TRPC7: variants seen among roughly 807,000 people sequenced by gnomAD.
TRPC7 encodes the protein transient receptor potential cation channel subfamily C member 7.
TRPC7 carries 42 observed loss-of-function variants against 90.1 expected under a neutral mutation model. The observed-to-expected ratio is 0.47, with a 90% CI of 0.36 to 0.60. The LOEUF is 0.60. TRPC7 is among the 20% of genes least tolerant of loss of function. The pLI, the probability that TRPC7 is intolerant of heterozygous loss-of-function variation, is 0.00. For missense variants in TRPC7, 955 were observed against 1,112.3 expected (o/e 0.86, Z 2.01); for synonymous variants, 451 against 436.3 (o/e 1.03, Z -0.42).
rs541296199 is a variant in TRPC7, at chr5:136,303,191, A to G, written c.963+12406T>C. 1.5e-3 allele frequency among the ~76,000 whole-genome samples: 236 copies of G among 152,282 alleles called. 1 individual carries two copies. The highest frequency in any genetic ancestry group is 5.1e-3 in the African/African-American group (211 of 41,554). Reference sequence around the variant, plus strand: ...CTTTATCCCAAATCAGATAGCTTCTAGGCTCTTTTTCATCAAATATAAAAA... The same window carrying G: ...CTTTATCCCAAATCAGATAGCTTCTGGGCTCTTTTTCATCAAATATAAAAA... On this transcript the variant is annotated intron_variant, in intron 3 of 11. Transcript: ENST00000513104.
chr5:136,259,884 A>T (rs1364136511), intron 5 of TRPC7, among the ~76,000 whole-genome samples: 1 of 152,074 alleles, frequency 6.6e-6, no homozygotes, highest in African/African-American at 2.4e-5. Flanking sequence ...GTTCTCCTGG[A>T]GTTTCTTTGC....
chr5:136,346,788 C>T (rs957956562), intron 2 of TRPC7, among the ~76,000 whole-genome samples: 4 of 152,188 alleles, frequency 2.6e-5, no homozygotes, highest in African/African-American at 9.7e-5. Flanking sequence ...TCAGCCTTCA[C>T]CAGGTTATCT....
In TRPC7 at chr5:136,212,805, C is replaced by G. The variant is rs534381303; in HGVS notation, c.*630G>C. On this transcript the variant is annotated 3_prime_UTR_variant, in exon 12 of 12. Transcript: ENST00000513104. ...GTAAAAATAGTAAATACAAGATAAT[C>G]TTAATAAAGGTAAAAATACATCATT... is the stretch of plus-strand genomic sequence containing the variant. Among the ~76,000 whole-genome samples, 7 of 152,320 alleles carry G rather than the reference C, an allele frequency of 4.6e-5. No individual in the cohort carries two copies. In the South Asian group the frequency reaches 6.2e-4, roughly 14 times the overall value.
chr5:136,318,088 A>C (rs897451450), intron 2 of TRPC7, among the ~76,000 whole-genome samples: 4 of 152,178 alleles, frequency 2.6e-5, no homozygotes, highest in African/African-American at 7.2e-5. Flanking sequence ...GATAGAGAGA[A>C]CCCAGGCCTG....
At chr5:136,300,893 C>T (rs375423520) in intron 3 of TRPC7, among the ~76,000 whole-genome samples, 4 of 152,310 alleles carry the variant, frequency 2.6e-5, no homozygotes, top group Admixed American at 2.0e-4. Flanking sequence ...CTTCAGAGAT[C>T]TAGATGAACC....
At chr5:136,251,922 T>C in intron 5 of TRPC7, 40 bp from the exon 6 acceptor site, 2 of 1,566,772 alleles carry the variant, frequency 1.3e-6, no homozygotes, top group Non-Finnish European at 1.8e-6. Context: ...TTTTCGTTTC[T>C]CTTGGCATTT....
At chr5:136,295,357 A>T (rs1322480034) in intron 3 of TRPC7, among the ~76,000 whole-genome samples, 1 of 152,178 alleles carries the variant, frequency 6.6e-6, no homozygotes, top group Admixed American at 6.5e-5. Context: ...GAAAATGTAT[A>T]AGGGCGGCTA....
chr5:136,292,876 A>G (rs1580911642), intron 3 of TRPC7, among the ~76,000 whole-genome samples: 2 of 152,372 alleles, frequency 1.3e-5, no homozygotes, highest in South Asian at 2.1e-4. Context: ...CTTGATGAAC[A>G]TTGATGCAAA....
intron 2 of TRPC7, among the ~76,000 whole-genome samples, chr5:136,317,231 G>A (rs913388222): frequency 6.6e-6 from 1 of 152,146 alleles, no homozygotes; most frequent in Admixed American, 6.5e-5. Flanking sequence ...TTGGTATCTA[G>A]CACAGAGCTG....
chr5:136,281,368 T>C (rs554418985), intron 3 of TRPC7, among the ~76,000 whole-genome samples: 2 of 152,358 alleles, frequency 1.3e-5, no homozygotes, highest in African/African-American at 4.8e-5. Flanking sequence ...CCCAGGTTAA[T>C]GTGGAGGCCA....
chr5:136,295,379 G>C (rs1445124322), intron 3 of TRPC7, among the ~76,000 whole-genome samples: 1 of 152,174 alleles, frequency 6.6e-6, no homozygotes, highest in Non-Finnish European at 1.5e-5. Context: ...CTGTGGATCT[G>C]GTGAGAGGTT....
At chr5:136,321,228 CA>C (rs2149841603) in intron 2 of TRPC7, among the ~76,000 whole-genome samples, 1 of 152,262 alleles carries the variant, frequency 6.6e-6, no homozygotes, top group Non-Finnish European at 1.5e-5. Context: ...TTCTATTTGG[CA>C]CACTTGAGGC....
At chr5:136,236,565 T>C (rs1194595410) in intron 7 of TRPC7, among the ~76,000 whole-genome samples, 1 of 152,098 alleles carries the variant, frequency 6.6e-6, no homozygotes, top group Non-Finnish European at 1.5e-5. Context: ...ATGAGTGATG[T>C]TGAATAGGCC....
intron 2 of TRPC7, among the ~76,000 whole-genome samples, chr5:136,326,899 A>G (rs1759362608): frequency 6.6e-6 from 1 of 152,198 alleles, no homozygotes; most frequent in South Asian, 2.1e-4. Context: ...AAGTGAAAAG[A>G]TGGCTTGATC....
Position 136,326,898 on chromosome 5 carries a change from G to A in TRPC7, c.781-11119C>T, listed in dbSNP as rs187018990. On this transcript the variant is annotated intron_variant, in intron 2 of 11. Transcript: ENST00000513104. ...TTGATGGGGAGAGGGAAAGTGAAAAGATGGCTTGATCAGTTCTGAGGTTAG... is the reference window on the plus strand; with the variant it reads ...TTGATGGGGAGAGGGAAAGTGAAAAAATGGCTTGATCAGTTCTGAGGTTAG... Among the ~76,000 whole-genome samples the A allele has an allele frequency of 1.5e-3, 222 of 152,304 alleles. 1 individual carries two copies. The highest frequency in any genetic ancestry group is 2.1e-3 in the Non-Finnish European group (140 of 68,018).
intron 3 of TRPC7, among the ~76,000 whole-genome samples, chr5:136,277,064 A>G (rs1420457922): frequency 6.6e-6 from 1 of 152,228 alleles, no homozygotes; most frequent in Non-Finnish European, 1.5e-5. Flanking sequence ...TGCCTGTCAC[A>G]ATCCCCATCA....
chr5:136,282,386 A>G (rs1307279819), intron 3 of TRPC7, among the ~76,000 whole-genome samples: 1 of 152,244 alleles, frequency 6.6e-6, no homozygotes, highest in East Asian at 1.9e-4. Flanking sequence ...AAATGCGAAT[A>G]TAACTCAGTA....
At chr5:136,312,879 G>A (rs1006536451) in intron 3 of TRPC7, among the ~76,000 whole-genome samples, 18 of 151,600 alleles carry the variant, frequency 1.2e-4, no homozygotes, top group Non-Finnish European at 2.5e-4. Flanking sequence ...TTAGTTTCCC[G>A]AAGACTGATA....
chr5:136,288,682 T>C (rs62385796), intron 3 of TRPC7, among the ~76,000 whole-genome samples: 1 of 152,208 alleles, frequency 6.6e-6, no homozygotes, highest in African/African-American at 2.4e-5. Flanking sequence ...GCTCACATCA[T>C]GCTGAAAGGT....
Sources: allele counts gnomAD v4.1 joint callset (sites outside exome capture counted in the v4.1 genomes callset), GRCh38; gene constraint gnomAD v4.1.1; transcripts MANE v1.5; gene names NCBI Gene and HGNC (gene_info 2026-07-23, HGNC 2026-07-21).